TMCC3: variants seen among roughly 807,000 people sequenced by gnomAD.
TMCC3 encodes the protein transmembrane and coiled-coil domain family 3.
In TMCC3, 28 loss-of-function variants were observed where a neutral mutation model predicts 40.2. That is an observed-to-expected ratio of 0.70 (90% CI 0.52 to 0.95). The LOEUF (loss-of-function observed/expected upper bound fraction) is 0.95. Among genes scored for constraint, TMCC3 ranks in the 40% least tolerant of loss-of-function variants. TMCC3 has a pLI of 0.00. For synonymous variants in TMCC3, 255 were observed against 248.5 expected, an observed-to-expected ratio of 1.03 and a Z score of -0.25; for missense variants, 554 against 615.2, an observed-to-expected ratio of 0.90 and a Z score of 1.05.
chr12:94,598,938 C>T (rs1294560106), intron 1 of TMCC3: 1 of 221,566 alleles, frequency 4.5e-6, no homozygotes, highest in Non-Finnish European at 7.6e-6. Flanking sequence ...ACTTCCAGGA[C>T]CCACTCAAAA....
chr12:94,572,896 G>T (rs1345224334), intron 3 of TMCC3, among the ~76,000 whole-genome samples: 1 of 152,082 alleles, frequency 6.6e-6, no homozygotes, highest in African/African-American at 2.4e-5. Flanking sequence ...TGTTACTCAG[G>T]ACACCATCCG....
chr12:94,568,950 G>A lies in TMCC3; in HGVS notation c.*2485C>T, dbSNP rs1018407358. The A allele has an allele frequency of 1.3e-5, 2 of 152,212 alleles. No individual in the cohort carries two copies. Among genetic ancestry groups the A allele is most frequent in the African/African-American group, 2.4e-5 (1 of 41,452 alleles). 9.4% of individuals were successfully genotyped at this position (152,212 alleles called of 1,614,324 possible). A position where few individuals can be genotyped will look rare whatever the true frequency, so the allele number is the denominator to read the frequency against. ...TTAACAGCTCCAGACTAGAGGGGAC[G>A]GAGTGTGCTGCTTTCCATTCTCTTC... On this transcript the variant is annotated 3_prime_UTR_variant, in exon 4 of 4. Transcript: ENST00000261226.
At chr12:94,582,995 A>T (rs12313542) in intron 1 of TMCC3, among the ~76,000 whole-genome samples, 785 of 19,124 alleles carry the variant, frequency 0.041, 16 homozygotes, top group African/African-American at 0.27. Context: ...TTTTTTTTTT[A>T]AAAAAGAAAG....
At chr12:94,598,327 C>T (rs930737742) in intron 1 of TMCC3, among the ~76,000 whole-genome samples, 11 of 151,924 alleles carry the variant, frequency 7.2e-5, no homozygotes, top group African/African-American at 2.7e-4. Context: ...TTCCTTTAAC[C>T]CCTAAAGCCC....
chr12:94,606,578 A>G (rs192619684), intron 1 of TMCC3, among the ~76,000 whole-genome samples: 5 of 152,042 alleles, frequency 3.3e-5, no homozygotes, highest in Non-Finnish European at 5.9e-5. Flanking sequence ...AACCAGCCCC[A>G]ATATTTCAAA....
intron 1 of TMCC3, among the ~76,000 whole-genome samples, chr12:94,614,330 T>C (rs1397928378): frequency 2.0e-5 from 3 of 152,150 alleles, no homozygotes; most frequent in African/African-American, 7.2e-5. Context: ...CTTGGATCAT[T>C]ATCCTCACTG....
intron 1 of TMCC3, among the ~76,000 whole-genome samples, chr12:94,634,590 C>T (rs969545522): frequency 2.6e-5 from 4 of 152,060 alleles, no homozygotes; most frequent in Admixed American, 2.0e-4. Context: ...AGCCAGAGTG[C>T]GAGTCAAACT....
In TMCC3 at chr12:94,582,502, G is replaced by T. The variant is rs765103070; in HGVS notation, c.115C>A (p.Leu39Met). Residue 39 changes from leucine to methionine, a missense_variant, in exon 2 of 4, where the codon CTG (leucine) becomes ATG (methionine). Coordinates refer to ENST00000261226, the MANE Select transcript of TMCC3 (RefSeq NM_020698.4). ...RHDMNTLSLP[L>M]NIRRGGSDTN... ...TCTGACCCCCCTCGGCGTATGTTCAGGGGCAGGCTTAAGGTATTCATGTCA... is the reference window on the plus strand; with the variant it reads ...TCTGACCCCCCTCGGCGTATGTTCATGGGCAGGCTTAAGGTATTCATGTCA... The T allele has an allele frequency of 6.2e-7, 1 of 1,613,464 alleles. No individual in the cohort carries two copies. Among genetic ancestry groups the T allele is most frequent in the South Asian group, 1.1e-5 (1 of 91,012 alleles).
intron 1 of TMCC3, among the ~76,000 whole-genome samples, chr12:94,639,592 G>A (rs1402707378): frequency 6.7e-6 from 1 of 148,462 alleles, no homozygotes; most frequent in Admixed American, 6.8e-5. Context: ...AAATAAATAA[G>A]TAAATAAATA....
At chr12:94,625,079 T>C (rs972999136) in intron 1 of TMCC3, among the ~76,000 whole-genome samples, 1 of 150,746 alleles carries the variant, frequency 6.6e-6, no homozygotes, top group Non-Finnish European at 1.5e-5. Context: ...GAGGCCAAGG[T>C]TGCAGTGAGC....
At chr12:94,634,814 C>T (rs764696834) in intron 1 of TMCC3, among the ~76,000 whole-genome samples, 1 of 152,252 alleles carries the variant, frequency 6.6e-6, no homozygotes, top group Non-Finnish European at 1.5e-5. Flanking sequence ...AATTGCCCAG[C>T]ACATGAGGTA....
chr12:94,628,786 G>A (rs748145021), intron 1 of TMCC3, among the ~76,000 whole-genome samples: 4 of 152,146 alleles, frequency 2.6e-5, no homozygotes, highest in Admixed American at 6.5e-5. Flanking sequence ...AGCCATAAGC[G>A]CGTGACTTTT....
chr12:94,606,540 TA>T (rs1480428208), intron 1 of TMCC3, among the ~76,000 whole-genome samples: 1 of 152,064 alleles, frequency 6.6e-6, no homozygotes, highest in Non-Finnish European at 1.5e-5. Flanking sequence ...CTAATTTTTG[TA>T]TTTTTAGTAG....
intron 3 of TMCC3, among the ~76,000 whole-genome samples, chr12:94,578,146 CAAA>C (rs1183420863): frequency 2.9e-5 from 1 of 34,854 alleles, no homozygotes; most frequent in Non-Finnish European, 5.2e-5. Context: ...AGACTCACCT[CAAA>C]AAAAAAAAAA....
chr12:94,575,119 A>C (rs1382209942), intron 3 of TMCC3, among the ~76,000 whole-genome samples: 1 of 152,240 alleles, frequency 6.6e-6, no homozygotes, highest in East Asian at 1.9e-4. Context: ...AAAACCACTC[A>C]GTTGTTTAAA....
At chr12:94,615,964 A>C (rs562607049) in intron 1 of TMCC3, 2 of 985,520 alleles carry the variant, frequency 2.0e-6, no homozygotes, top group East Asian at 2.3e-4. Context: ...CAGGATCGGC[A>C]GCTAGCTCAC....
Position 94,568,201 on chromosome 12 carries a change from G to A in TMCC3, c.*3234C>T, listed in dbSNP as rs1034343005. On this transcript the variant is annotated 3_prime_UTR_variant, in exon 4 of 4. Coordinates refer to ENST00000261226, the MANE Select transcript of TMCC3 (RefSeq NM_020698.4). ...GCTACAAACTTGGGACTAATCCCAT[G>A]TTCATTGTCCAAACCCAGCAACGGA... 2.0e-5 allele frequency: 3 copies of A among 150,820 alleles called. No individual in the cohort carries two copies. Among genetic ancestry groups the A allele is most frequent in the Admixed American group, 2.0e-4 (3 of 15,152 alleles). The allele number at this position is 150,820 out of a possible 1,614,324, so 9.3% of individuals were successfully genotyped here.
At chr12:94,607,325 G>A (rs1303282907) in intron 1 of TMCC3, among the ~76,000 whole-genome samples, 2 of 152,096 alleles carry the variant, frequency 1.3e-5, no homozygotes, top group East Asian at 1.9e-4. Flanking sequence ...GTGGTCCTGA[G>A]GTGACATACA....
chr12:94,624,757 T>C (rs1202007530), intron 1 of TMCC3, among the ~76,000 whole-genome samples: 1 of 151,946 alleles, frequency 6.6e-6, no homozygotes, highest in East Asian at 1.9e-4. Flanking sequence ...AGAAATAAAG[T>C]ACTGATTCAT....
Sources: allele counts gnomAD v4.1 joint callset (sites outside exome capture counted in the v4.1 genomes callset), GRCh38; gene constraint gnomAD v4.1.1; transcripts MANE v1.5; gene names NCBI Gene and HGNC (gene_info 2026-07-23, HGNC 2026-07-21).